The following ZNF846 variants were observed in gnomAD, a reference collection of about 807,000 sequenced individuals.
The protein encoded by ZNF846 is zinc finger protein 846, also known as zinc finger protein 420 pseudogene.
ZNF846 carries 15 observed loss-of-function variants against 16.0 expected under a neutral mutation model. The ratio of observed to expected loss-of-function variants is 0.94; its 90% confidence interval spans 0.63 to 1.45. ZNF846 has a LOEUF of 1.45. ZNF846 is among the 40% of genes most tolerant of loss of function. The pLI, the probability that ZNF846 is intolerant of heterozygous loss-of-function variation, is 0.00. For missense variants in ZNF846, 714 were observed against 622.3 expected (o/e 1.15, Z -1.57); for synonymous variants, 229 against 212.0 (o/e 1.08, Z -0.70).
At chr19:9,776,574 C>G (rs867975838) in intron 1 of ZNF846, among the ~76,000 whole-genome samples, 7 of 152,224 alleles carry the variant, frequency 4.6e-5, no homozygotes, top group Admixed American at 1.3e-4. Context: ...TTACCCTGCC[C>G]CTTTTGCTTT....
At chr19:9,759,998 A>G in intron 4 of ZNF846, 56 bp from the exon 5 acceptor site, 2 of 1,406,952 alleles carry the variant, frequency 1.4e-6, no homozygotes, top group South Asian at 2.3e-5. Flanking sequence ...AAAGTCGTTT[A>G]AAAGCCTATG....
At chr19:9,768,945 C>T (rs1368852210), upstream of ZNF846, among the ~76,000 whole-genome samples, 3 of 152,096 alleles carry the variant, frequency 2.0e-5, no homozygotes, top group African/African-American at 7.2e-5. Flanking sequence ...GGAACGACGC[C>T]GGACCAGGAA....
At chr19:9,762,644 C>A (rs1403302660) in intron 3 of ZNF846, among the ~76,000 whole-genome samples, 3 of 152,178 alleles carry the variant, frequency 2.0e-5, no homozygotes, top group Admixed American at 6.5e-5. Flanking sequence ...TTACTTAAAT[C>A]TTTATTTTCA....
chr19:9,779,936 C>T (rs977269167), intron 1 of ZNF846, among the ~76,000 whole-genome samples: 6 of 150,860 alleles, frequency 4.0e-5, no homozygotes, highest in African/African-American at 1.5e-4. Flanking sequence ...GAGTGTAGTA[C>T]AGTGATCTTC....
chr19:9,751,142 C>G (rs2045080556), downstream of ZNF846, among the ~76,000 whole-genome samples: 1 of 152,086 alleles, frequency 6.6e-6, no homozygotes, highest in African/African-American at 2.4e-5. Context: ...TCTGATTAAT[C>G]TCTCAATTCC....
downstream of ZNF846, among the ~76,000 whole-genome samples, chr19:9,754,579 A>AAAAAAAAAAAAAAAAAC (rs2045116082): frequency 6.7e-6 from 1 of 150,054 alleles, no homozygotes; most frequent in African/African-American, 2.5e-5. Flanking sequence ...AAAAAAAAAA[A>AAAAAAAAAAAAAAAAAC]AAAAAAAAGC....
chr19:9,765,438 C>A (rs902812119), intron 1 of ZNF846, among the ~76,000 whole-genome samples: 4 of 151,810 alleles, frequency 2.6e-5, no homozygotes, highest in African/African-American at 4.8e-5. Context: ...TTTGGGAGGC[C>A]GAGGCGGGTG....
intron 1 of ZNF846, among the ~76,000 whole-genome samples, chr19:9,765,312 T>C (rs551343677): frequency 2.3e-4 from 35 of 151,738 alleles, no homozygotes; most frequent in Non-Finnish European, 4.7e-4. Context: ...GAGGTGGAGA[T>C]TGCGGTGAGC....
chr19:9,778,404 A>T (rs2045468327), intron 1 of ZNF846, among the ~76,000 whole-genome samples: 1 of 152,230 alleles, frequency 6.6e-6, no homozygotes, highest in Non-Finnish European at 1.5e-5. Flanking sequence ...GTCTCCAGAC[A>T]TTGCTAACTG....
chr19:9,767,522 T>TA (rs1355006545), intron 1 of ZNF846, among the ~76,000 whole-genome samples: 8 of 152,148 alleles, frequency 5.3e-5, no homozygotes, highest in African/African-American at 1.9e-4. Context: ...CAAGGATATA[T>TA]AATAGGTGTT....
chr19:9,762,462 A>T lies in ZNF846; in HGVS notation c.143-294T>A, dbSNP rs2045246368. The T allele has an allele frequency of 1.2e-5, 3 of 254,110 alleles. No individual in the cohort carries two copies. The South Asian group carries it at 1.6e-4, about 13-fold the overall frequency. 15.7% of individuals were successfully genotyped at this position (254,110 alleles called of 1,614,324 possible). A position where few individuals can be genotyped will look rare whatever the true frequency, so the allele number is the denominator to read the frequency against. On this transcript the variant is annotated intron_variant, in intron 3 of 5. Coordinates refer to ENST00000397902, the Ensembl canonical transcript of ZNF846. ...AGACCAGCCTGGCCAACGTGGTGAAACTTCCTCTCTACTAAAAATACAAAA... is the reference window on the plus strand; with the variant it reads ...AGACCAGCCTGGCCAACGTGGTGAATCTTCCTCTCTACTAAAAATACAAAA...
downstream of ZNF846, among the ~76,000 whole-genome samples, chr19:9,748,756 G>A (rs2045063079): frequency 6.6e-6 from 1 of 152,142 alleles, no homozygotes; most frequent in South Asian, 2.1e-4. Flanking sequence ...TAGAATTACA[G>A]CTTGTCCTCG....
chr19:9,774,613 T>C, intron 1 of ZNF846: 1 of 1,492,956 alleles, frequency 6.7e-7, no homozygotes. Context: ...AAGGGCTTAT[T>C]GTTCCTGACA....
downstream of ZNF846, among the ~76,000 whole-genome samples, chr19:9,752,729 T>C (rs552062343): frequency 4.6e-5 from 7 of 152,132 alleles, no homozygotes; most frequent in African/African-American, 1.7e-4. Context: ...TTTTTGCTTA[T>C]CTCATACATT....
intron 1 of ZNF846, among the ~76,000 whole-genome samples, chr19:9,766,958 G>A (rs1347116607): frequency 6.7e-6 from 1 of 150,012 alleles, no homozygotes; most frequent in African/African-American, 2.4e-5. Context: ...AAGAAGACTT[G>A]ATATTGTCAC....
At chr19:9,764,714 C>G (rs2045286539) in intron 2 of ZNF846, 2 of 561,678 alleles carry the variant, frequency 3.6e-6, no homozygotes, top group Non-Finnish European at 6.4e-6. Context: ...AAAGAGAGAG[C>G]CCCGTTGCAC....
downstream of ZNF846, among the ~76,000 whole-genome samples, chr19:9,748,965 G>A (rs1242756906): frequency 6.6e-6 from 1 of 152,110 alleles, no homozygotes; most frequent in Non-Finnish European, 1.5e-5. Context: ...TGGATGATCA[G>A]TTGTTGTTAA....
At chr19:9,779,800 G>C (rs1425451173) in intron 1 of ZNF846, among the ~76,000 whole-genome samples, 1 of 151,686 alleles carries the variant, frequency 6.6e-6, no homozygotes, top group African/African-American at 2.4e-5. Flanking sequence ...TCGAACTCCT[G>C]ACCTTCAGGT....
intron 4 of ZNF846, among the ~76,000 whole-genome samples, chr19:9,760,436 C>A (rs1316691496): frequency 6.6e-6 from 1 of 151,504 alleles, no homozygotes; most frequent in Non-Finnish European, 1.5e-5. Flanking sequence ...TGTGGTGGTT[C>A]ATGCCTATAA....
Sources: gnomAD v4.1 joint callset for allele counts (sites outside exome capture counted in the v4.1 genomes callset) on GRCh38, gnomAD v4.1.1 for gene constraint, MANE v1.5 for transcripts, NCBI Gene and HGNC (gene_info 2026-07-23, HGNC 2026-07-21) for gene names.